DEAF1: variants seen among roughly 807,000 people sequenced by gnomAD.
DEAF1 encodes deformed epidermal autoregulatory factor 1 homolog.
A neutral mutation model predicts 58.9 loss-of-function variants in DEAF1; 53 were observed. That is an observed-to-expected ratio of 0.90 (90% CI 0.72 to 1.13). DEAF1 has a LOEUF of 1.13. Ranked by LOEUF, DEAF1 falls within the 50% of genes most tolerant of loss-of-function variation. The probability of loss-of-function intolerance (pLI) is 0.00; values close to 1 mark genes in which losing one functional copy is unlikely to be tolerated. For missense variants in DEAF1, 685 were observed against 791.4 expected (o/e 0.87, Z 1.61); for synonymous variants, 385 against 340.4 (o/e 1.13, Z -1.44).
intron 10 of DEAF1, among the ~76,000 whole-genome samples, chr11:667,643 TA>T (rs1467442068): frequency 1.3e-5 from 2 of 150,474 alleles, no homozygotes; most frequent in East Asian, 4.0e-4. Flanking sequence ...CTGTCTCTAA[TA>T]AAAAAATACA....
chr11:658,686 G>A (rs1319933676), intron 10 of DEAF1, among the ~76,000 whole-genome samples: 1 of 152,268 alleles, frequency 6.6e-6, no homozygotes, highest in Non-Finnish European at 1.5e-5. Flanking sequence ...CTGGGCCGCA[G>A]GCGGGCAGAG....
chr11:686,996 G>C lies in DEAF1; in HGVS notation c.666C>G (p.Gly222=), dbSNP rs765924884. The change falls in exon 5 of 12, where the codon GGC becomes GGG. Residue 222 remains glycine (G), a splice_region_variant and synonymous_variant. Transcript: ENST00000382409. ...GTLYKNRLGS[G]GRGRCIKQGE... ...CCTGCTTGATGCACCGTCCCCGGCC[G>C]CCTGCAAGGAAGGGCAGCAGTCATG... The C allele has an allele frequency of 6.2e-7, 1 of 1,614,030 alleles. No individual in the cohort carries two copies. Among genetic ancestry groups the C allele is most frequent in the Non-Finnish European group, 8.5e-7 (1 of 1,180,048 alleles).
chr11:663,268 C>T (rs1314158194), intron 10 of DEAF1, among the ~76,000 whole-genome samples: 5 of 152,154 alleles, frequency 3.3e-5, no homozygotes, highest in East Asian at 3.9e-4. Flanking sequence ...CTAATAACGG[C>T]GAAACTCCAT....
intron 6 of DEAF1, among the ~76,000 whole-genome samples, chr11:683,831 A>G (rs1034790214): frequency 1.3e-5 from 2 of 152,036 alleles, no homozygotes; most frequent in African/African-American, 4.8e-5. Flanking sequence ...CCACGTACAA[A>G]CCCTGTACAT....
chr11:704,032 TTG>T, intron 1 of DEAF1: 1 of 1,193,410 alleles, frequency 8.4e-7, no homozygotes, highest in Non-Finnish European at 1.0e-6. Flanking sequence ...CTTGATTCTA[TTG>T]TGTGTTTTCT....
rs759752578 is a variant in DEAF1, at chr11:703,154, C to T, written c.-438+3418G>A. 4.4e-6 allele frequency: 7 copies of T among 1,600,094 alleles called. No individual in the cohort carries two copies. In the African/African-American group the frequency reaches 5.4e-5, roughly 12 times the overall value. On this transcript the variant is annotated intron_variant, in intron 1 of 11. Coordinates refer to the DEAF1 transcript ENST00000683307. ...CATCGCGGCCTTCACCAGGTAGCTA[C>T]GGACACCCGGGATACCCCACACTGG...
intron 11 of DEAF1, among the ~76,000 whole-genome samples, chr11:647,243 C>G (rs1157727571): frequency 6.6e-6 from 1 of 152,098 alleles, no homozygotes; most frequent in African/African-American, 2.4e-5. Context: ...ATCATGAGGT[C>G]AGGAGTTCAA....
Position 681,102 on chromosome 11 carries a change from GGA to G in DEAF1, c.871-15_871-14del. Reference sequence around the variant, plus strand: ...TGACTGGGCCACTCTGGGGGAGAAAGGAGAGAGGCCACCACCTTCATGTGTGC... The same window carrying G: ...TGACTGGGCCACTCTGGGGGAGAAAGGAGAGGCCACCACCTTCATGTGTGC... On this transcript the variant is annotated splice_polypyrimidine_tract_variant and intron_variant, in intron 6 of 11. Transcript: ENST00000382409. 3 of 1,613,792 alleles carry G rather than the reference GGA, an allele frequency of 1.9e-6. No individual in the cohort carries two copies. The highest frequency in any genetic ancestry group is 1.7e-6 in the Non-Finnish European group (2 of 1,180,034).
chr11:650,979 T>C (rs948608420), intron 11 of DEAF1, among the ~76,000 whole-genome samples: 1 of 152,020 alleles, frequency 6.6e-6, no homozygotes, highest in African/African-American at 2.4e-5. Flanking sequence ...TTTTTTTTTT[T>C]TGAGATGGAG....
Position 679,881 on chromosome 11 carries a change from C to G in DEAF1, c.998-65G>C, listed in dbSNP as rs574018500. ...GCGCCCACGGCACACAGGTCCCGTG[C>G]CACCCACGGGCGCCAATCCTTGTGG... On this transcript the variant is annotated intron_variant, in intron 7 of 11. Transcript: ENST00000382409. 1.9e-6 allele frequency: 3 copies of G among 1,601,690 alleles called. No homozygotes were observed. The African/African-American group carries it at 4.0e-5, about 21-fold the overall frequency.
At chr11:653,885 G>C in intron 11 of DEAF1, 77 bp downstream of exon 11, 1 of 1,296,366 alleles carries the variant, frequency 7.7e-7, no homozygotes, top group Non-Finnish European at 1.1e-6. Context: ...GGAGCACAAG[G>C]GGAGGGAGGG....
At chr11:695,360 A>C (rs763119516), upstream of DEAF1, 14 of 429,568 alleles carry the variant, frequency 3.3e-5, no homozygotes, top group Non-Finnish European at 5.7e-5. Context: ...CAGTCCGAAT[A>C]GGTCCGAGTC....
At chr11:662,886 G>A (rs1247134223) in intron 10 of DEAF1, among the ~76,000 whole-genome samples, 2 of 152,146 alleles carry the variant, frequency 1.3e-5, no homozygotes, top group Admixed American at 6.5e-5. Context: ...GGCAGCAGGG[G>A]GCAGCAGCAC....
At chr11:694,485 G>A (rs1367032104) in intron 1 of DEAF1, 2 of 331,320 alleles carry the variant, frequency 6.0e-6, no homozygotes, top group Non-Finnish European at 1.1e-5. Flanking sequence ...GGTACGTGGG[G>A]AAAGTGTGAG....
chr11:654,131 G>A, intron 10 of DEAF1, 80 bp from the exon 11 acceptor site: 2 of 1,170,458 alleles, frequency 1.7e-6, no homozygotes, highest in African/African-American at 1.5e-5. Flanking sequence ...GGCAGGTGCA[G>A]GCAGGAGGCC....
Position 644,536 on chromosome 11 carries a change from C to T in DEAF1, c.*14G>A, listed in dbSNP as rs757401613. On this transcript the variant is annotated 3_prime_UTR_variant, in exon 12 of 12. Transcript: ENST00000382409. The surrounding 1 kb of genome is among the most constrained non-coding windows in gnomAD (Gnocchi z 4.3). Reference sequence around the variant, plus strand: ...GTGCGAGGGGCCCCAGCTCCCAGGGCGGCCGATGGAGCCTCACACGGTCAC... The same window carrying T: ...GTGCGAGGGGCCCCAGCTCCCAGGGTGGCCGATGGAGCCTCACACGGTCAC... 8.7e-6 allele frequency: 14 copies of T among 1,607,930 alleles called. No individual in the cohort carries two copies. The highest frequency in any genetic ancestry group is 3.3e-5 in the Admixed American group (2 of 59,826).
intron 8 of DEAF1, among the ~76,000 whole-genome samples, chr11:679,433 C>T (rs1347077988): frequency 1.3e-5 from 2 of 152,198 alleles, no homozygotes; most frequent in East Asian, 3.8e-4. Flanking sequence ...AAAGCAGGAG[C>T]CGGCAGACAG....
intron 10 of DEAF1, among the ~76,000 whole-genome samples, chr11:665,281 A>C (rs1006395663): frequency 8.3e-6 from 1 of 120,704 alleles, no homozygotes; most frequent in Non-Finnish European, 1.8e-5. Context: ...CACTCTAACT[A>C]AGTCCTGGCT....
upstream of DEAF1, chr11:695,821 G>C (rs902823912): frequency 3.4e-4 from 423 of 1,231,394 alleles, no homozygotes; most frequent in Non-Finnish European, 4.0e-4. Flanking sequence ...CGGGCGGGGC[G>C]GGTAAGATGG....
Sources: allele counts gnomAD v4.1 joint callset (sites outside exome capture counted in the v4.1 genomes callset), GRCh38; gene constraint gnomAD v4.1.1; non-coding constraint Gnocchi (gnomAD v3.1); transcripts MANE v1.5; gene names NCBI Gene and HGNC (gene_info 2026-07-23, HGNC 2026-07-21).